The following ETV1 variants were observed in gnomAD, a reference collection of about 807,000 sequenced individuals.
ETV1 encodes ETS translocation variant 1.
ETV1 carries 27 observed loss-of-function variants against 62.3 expected under a neutral mutation model. That is an observed-to-expected ratio of 0.43 (90% CI 0.32 to 0.60). The LOEUF (loss-of-function observed/expected upper bound fraction) is 0.60, where lower values mean the gene tolerates loss of function less well. Ranked by LOEUF, ETV1 falls within the 20% of genes least tolerant of loss-of-function variation. ETV1 has a pLI of 0.06. For missense variants in ETV1, 605 were observed against 605.8 expected (o/e 1.00, Z 0.01); for synonymous variants, 222 against 199.6 (o/e 1.11, Z -0.94).
At position 13,892,357 on chromosome 7, in the gene ETV1, T is replaced by A. The variant is rs4721286; in HGVS notation, c.*3509A>T. 0.79 allele frequency: 183,667 copies of A among 232,400 alleles called. 73,195 individuals carry two copies. Among genetic ancestry groups the A allele is most frequent in the African/African-American group, 0.93 (42,037 of 45,376 alleles). The allele number at this position is 232,400 out of a possible 1,614,324, so 14.4% of individuals were successfully genotyped here. On this transcript the variant is annotated 3_prime_UTR_variant, in exon 14 of 14. Transcript: ENST00000430479. ...ATTACCAGACATTTTAGTGGAATAGTTGAAATTTAATATAGAAAGTTTTCA... is the reference window on the plus strand; with the variant it reads ...ATTACCAGACATTTTAGTGGAATAGATGAAATTTAATATAGAAAGTTTTCA...
rs116822762 is a variant in ETV1 at position 13,989,406 on chromosome 7, G to A, written c.-226C>T. On this transcript the variant is annotated 5_prime_UTR_variant, in exon 2 of 14. Transcript: ENST00000430479. ...GGTGTACCCCGGGCAGCTCTGATTC[G>A]CAAACGTGTGCAAAACTAGCAATGG... The A allele has an allele frequency of 1.0e-3, 436 of 436,584 alleles. 2 individuals are homozygous for A. The highest frequency in any genetic ancestry group is 8.1e-3 in the African/African-American group (396 of 49,170). 27.0% of individuals were successfully genotyped at this position (436,584 alleles called of 1,614,324 possible). A position where few individuals can be genotyped will look rare whatever the true frequency, so the allele number is the denominator to read the frequency against.
chr7:13,951,133 T>G (rs938696142), intron 6 of ETV1, among the ~76,000 whole-genome samples: 1 of 152,048 alleles, frequency 6.6e-6, no homozygotes, highest in Non-Finnish European at 1.5e-5. Context: ...GCCTACCCCC[T>G]ATTTAACACA....
chr7:13,949,852 C>T (rs1213979214), intron 6 of ETV1, among the ~76,000 whole-genome samples: 1 of 152,122 alleles, frequency 6.6e-6, no homozygotes, highest in African/African-American at 2.4e-5. Context: ...ATTTCCGAGA[C>T]AGGAATTTAG....
intron 9 of ETV1, 62 bp downstream of exon 9, chr7:13,931,440 C>A (rs1786139238): frequency 5.6e-6 from 9 of 1,597,740 alleles, no homozygotes; most frequent in South Asian, 1.1e-5. Flanking sequence ...CCAACACTAA[C>A]CAATGTGACA....
At chr7:13,949,285 T>G (rs541414328) in intron 6 of ETV1, among the ~76,000 whole-genome samples, 1 of 152,264 alleles carries the variant, frequency 6.6e-6, no homozygotes, top group South Asian at 2.1e-4. Context: ...TACAAATATA[T>G]GTAGTTAGGA....
At chr7:13,971,160 G>A (rs113817568) in intron 6 of ETV1, among the ~76,000 whole-genome samples, 10,468 of 152,002 alleles carry the variant, frequency 0.069, 473 homozygotes, top group East Asian at 0.15. Flanking sequence ...TAGTAGAGAC[G>A]GGGTTTCGCC....
At chr7:13,909,498 G>T in intron 11 of ETV1, 134 bp downstream of exon 11, 1 of 694,850 alleles carries the variant, frequency 1.4e-6, no homozygotes, top group Non-Finnish European at 2.5e-6. Context: ...GGTCAACGTT[G>T]GCTAAAATTA....
intron 6 of ETV1, among the ~76,000 whole-genome samples, chr7:13,946,167 C>G (rs1343620952): frequency 6.6e-6 from 1 of 152,182 alleles, no homozygotes; most frequent in East Asian, 1.9e-4. Context: ...TCCCTGACTT[C>G]AGACAGGTCA....
chr7:13,929,196 T>C (rs1785793821), intron 9 of ETV1, among the ~76,000 whole-genome samples: 1 of 152,204 alleles, frequency 6.6e-6, no homozygotes, highest in African/African-American at 2.4e-5. Flanking sequence ...GAGCCCACTG[T>C]ATTGCAGGGT....
rs1368749229 is a variant in ETV1 at position 13,892,107 on chromosome 7, T to C, written c.*3759A>G. On this transcript the variant is annotated 3_prime_UTR_variant, in exon 14 of 14. Transcript: ENST00000430479. ...TGTTCTTTTGAGTAATAGACATATT[T>C]TACACATTGTTCTTACCTAATAAGT... The C allele has an allele frequency of 4.3e-6, 1 of 232,308 alleles. No homozygotes were observed. Among genetic ancestry groups the C allele is most frequent in the Non-Finnish European group, 8.5e-6 (1 of 117,598 alleles). The allele number at this position is 232,308 out of a possible 1,614,324, so 14.4% of individuals were successfully genotyped here.
In ETV1 at chr7:13,938,073, G is replaced by C. The variant is rs571862093; in HGVS notation, c.365+1044C>G. Among the ~76,000 whole-genome samples the C allele has an allele frequency of 1.9e-3, 287 of 152,274 alleles. 1 individual carries two copies. The highest frequency in any genetic ancestry group is 3.6e-3 in the Non-Finnish European group (248 of 68,018). ...CGATTCTCCTGCCTCAGCCTCTGTA[G>C]TAGCTGGGATTACAGGCATGCGCCA... On this transcript the variant is annotated intron_variant, in intron 7 of 13. Transcript: ENST00000430479.
In ETV1 at chr7:13,891,922, C is replaced by T. The variant is rs570251391; in HGVS notation, c.*3944G>A. On this transcript the variant is annotated 3_prime_UTR_variant, in exon 14 of 14. Transcript: ENST00000430479. ...TCCAAGTAACAAACATCCAAATGAC[C>T]TTCTCCTCTGTAATGTTTTCTCATT... 6.0e-5 allele frequency: 14 copies of T among 231,470 alleles called. No individual in the cohort carries two copies. Among genetic ancestry groups the T allele is most frequent in the African/African-American group, 2.4e-4 (11 of 45,326 alleles). 14.3% of individuals were successfully genotyped at this position (231,470 alleles called of 1,614,324 possible). A position where few individuals can be genotyped will look rare whatever the true frequency, so the allele number is the denominator to read the frequency against.
At chr7:13,943,799 T>C (rs904565850) in intron 6 of ETV1, among the ~76,000 whole-genome samples, 2 of 152,326 alleles carry the variant, frequency 1.3e-5, no homozygotes, top group Non-Finnish European at 2.9e-5. Context: ...TATGGATATA[T>C]ACACATGTAA....
chr7:13,895,938 A>G lies in ETV1; in HGVS notation c.1362T>C (p.Asp454=), dbSNP rs773216548. The change falls in exon 14 of 14, where the codon GAT becomes GAC. Residue 454 remains aspartate (D), a synonymous_variant. Coordinates refer to ENST00000430479, the MANE Select transcript of ETV1 (RefSeq NM_004956.5). The part of the protein sequence containing the change: ...EEDTVPLSHF[D]ESMAYMPEGG... ...CTTCCGGCATGTAGGCCATGCTCTCATCAAAGTGAGAAAGAGGCACTGTGT... is the reference window on the plus strand; with the variant it reads ...CTTCCGGCATGTAGGCCATGCTCTCGTCAAAGTGAGAAAGAGGCACTGTGT... 2 of 1,613,784 alleles carry G rather than the reference A, an allele frequency of 1.2e-6. No individual in the cohort carries two copies. Among genetic ancestry groups the G allele is most frequent in the Non-Finnish European group, 1.7e-6 (2 of 1,179,826 alleles).
At chr7:13,956,157 A>T (rs1041839611) in intron 6 of ETV1, among the ~76,000 whole-genome samples, 2 of 152,232 alleles carry the variant, frequency 1.3e-5, no homozygotes, top group African/African-American at 4.8e-5. Context: ...TATAAAATCA[A>T]GTATTATACA....
intron 6 of ETV1, among the ~76,000 whole-genome samples, chr7:13,969,001 C>T (rs12113565): frequency 0.59 from 89,121 of 151,912 alleles, 26,728 homozygotes; most frequent in Admixed American, 0.67. Flanking sequence ...AATCAAGTAC[C>T]AAACTAAAAT....
At chr7:13,972,751 T>C (rs1379955010) in intron 6 of ETV1, among the ~76,000 whole-genome samples, 2 of 152,168 alleles carry the variant, frequency 1.3e-5, no homozygotes, top group Non-Finnish European at 2.9e-5. Flanking sequence ...CATGCACTTG[T>C]AGGAACTTGT....
chr7:13,930,604 A>G lies in ETV1; in HGVS notation c.802+898T>C, dbSNP rs564318819. On this transcript the variant is annotated intron_variant, in intron 9 of 13. Coordinates refer to ENST00000430479, the MANE Select transcript of ETV1 (RefSeq NM_004956.5). ...CCAAAGTGCTGGGATTACAGGCGTGAGCCACCAGACTGGAAAAGATTTTAA... is the reference window on the plus strand; with the variant it reads ...CCAAAGTGCTGGGATTACAGGCGTGGGCCACCAGACTGGAAAAGATTTTAA... 4.6e-5 allele frequency among the ~76,000 whole-genome samples: 7 copies of G among 152,136 alleles called. No individual in the cohort carries two copies. The South Asian group carries it at 6.2e-4, about 14-fold the overall frequency.
At chr7:13,915,579 A>G (rs1429775251) in intron 9 of ETV1, among the ~76,000 whole-genome samples, 1 of 152,154 alleles carries the variant, frequency 6.6e-6, no homozygotes, top group African/African-American at 2.4e-5. Context: ...TTAAAATCCA[A>G]AGGTTTACAA....
Sources: gnomAD v4.1 joint callset for allele counts (sites outside exome capture counted in the v4.1 genomes callset) on GRCh38, gnomAD v4.1.1 for gene constraint, MANE v1.5 for transcripts, NCBI Gene and HGNC (gene_info 2026-07-23, HGNC 2026-07-21) for gene names.